The following GPC5 variants were observed in gnomAD, a reference collection of about 807,000 sequenced individuals.
GPC5 encodes the protein glypican 5.
Under a neutral mutation model 53.9 loss-of-function variants are expected in GPC5, and 47 were observed. The ratio of observed to expected loss-of-function variants is 0.87; its 90% confidence interval spans 0.69 to 1.11. GPC5 has a LOEUF of 1.11. Ranked by LOEUF, GPC5 falls within the 50% of genes most tolerant of loss-of-function variation. The probability of loss-of-function intolerance (pLI) is 0.00; values close to 1 mark genes in which losing one functional copy is unlikely to be tolerated. For synonymous variants in GPC5, 286 were observed against 263.3 expected, an observed-to-expected ratio of 1.09 and a Z score of -0.84; for missense variants, 748 against 713.1, an observed-to-expected ratio of 1.05 and a Z score of -0.56.
At chr13:91,891,851 G>A (rs767622381) in intron 5 of GPC5, among the ~76,000 whole-genome samples, 5 of 151,886 alleles carry the variant, frequency 3.3e-5, no homozygotes, top group East Asian at 1.9e-4. Context: ...AAAGTTATTC[G>A]AAACTTCCAT....
chr13:92,359,220 C>A (rs2043546581), intron 7 of GPC5, among the ~76,000 whole-genome samples: 1 of 151,654 alleles, frequency 6.6e-6, no homozygotes, highest in South Asian at 2.1e-4. Flanking sequence ...TTCCACAGAT[C>A]TCTAGAGCAG....
At chr13:92,820,846 T>C (rs758603846) in intron 7 of GPC5, among the ~76,000 whole-genome samples, 3 of 152,196 alleles carry the variant, frequency 2.0e-5, no homozygotes, top group Admixed American at 6.5e-5. Context: ...TATTAACTTG[T>C]TTGATTCTCA....
chr13:91,682,232 C>A (rs1271991412), intron 2 of GPC5, among the ~76,000 whole-genome samples: 4 of 152,208 alleles, frequency 2.6e-5, no homozygotes, highest in East Asian at 3.9e-4. Context: ...GGTGGTCGTG[C>A]TAGTAAGAGT....
chr13:91,767,730 G>A (rs1022957421), intron 5 of GPC5, among the ~76,000 whole-genome samples: 3 of 152,088 alleles, frequency 2.0e-5, no homozygotes, highest in South Asian at 2.1e-4. Context: ...CTTGTTACAC[G>A]CGTCCAGAGG....
chr13:92,316,541 A>T (rs533157437), intron 7 of GPC5, among the ~76,000 whole-genome samples: 2 of 152,254 alleles, frequency 1.3e-5, no homozygotes, highest in Admixed American at 6.5e-5. Context: ...CTTTCCATAA[A>T]GAAAAGTACA....
chr13:92,405,103 T>G (rs1875733877), intron 7 of GPC5, among the ~76,000 whole-genome samples: 1 of 131,670 alleles, frequency 7.6e-6, no homozygotes, highest in African/African-American at 2.9e-5. Context: ...TATACATGCA[T>G]TTAAGAAAGA....
chr13:92,372,786 T>C lies in GPC5; in HGVS notation c.1561+227797T>C, dbSNP rs77101184. 4.2e-3 allele frequency among the ~76,000 whole-genome samples: 638 copies of C among 152,300 alleles called. 8 individuals are homozygous for C. The highest frequency in any genetic ancestry group is 3.7e-3 in the Non-Finnish European group (253 of 68,022). ...TTTGAGTACTGTGGGCTCAAGTAAT[T>C]ACTCTCAGGCTGAAAGATCACTTCA... On this transcript the variant is annotated intron_variant, in intron 7 of 7. Coordinates refer to ENST00000377067, the MANE Select transcript of GPC5 (RefSeq NM_004466.6).
At chr13:92,652,943 C>T (rs1886004269) in intron 7 of GPC5, among the ~76,000 whole-genome samples, 1 of 152,110 alleles carries the variant, frequency 6.6e-6, no homozygotes, top group Non-Finnish European at 1.5e-5. Context: ...TCTCTCCTCT[C>T]CTCAGAACCT....
chr13:91,706,030 G>A (rs1594456420), intron 3 of GPC5, among the ~76,000 whole-genome samples: 3 of 151,602 alleles, frequency 2.0e-5, no homozygotes, highest in South Asian at 2.1e-4. Flanking sequence ...ATAGGTGTGC[G>A]CCACCATGCA....
intron 7 of GPC5, among the ~76,000 whole-genome samples, chr13:92,274,734 T>C (rs2042863529): frequency 6.6e-6 from 1 of 152,142 alleles, no homozygotes; most frequent in Non-Finnish European, 1.5e-5. Flanking sequence ...GCTTGCTTCA[T>C]CAAAGCGTAT....
At chr13:92,391,270 G>A (rs1291401260) in intron 7 of GPC5, among the ~76,000 whole-genome samples, 1 of 151,830 alleles carries the variant, frequency 6.6e-6, no homozygotes, top group Non-Finnish European at 1.5e-5. Flanking sequence ...TAATTTCTCA[G>A]GTACAAAGGA....
chr13:91,755,728 A>G (rs998670975), intron 4 of GPC5, among the ~76,000 whole-genome samples: 58 of 152,158 alleles, frequency 3.8e-4, no homozygotes, highest in African/African-American at 1.3e-3. Context: ...AATATCTTAC[A>G]TGTCTGGGTT....
At chr13:92,564,639 A>G (rs925332105) in intron 7 of GPC5, among the ~76,000 whole-genome samples, 17 of 152,008 alleles carry the variant, frequency 1.1e-4, no homozygotes, top group African/African-American at 3.9e-4. Context: ...TGAGCAGAGT[A>G]CCCAATGGGT....
At chr13:91,917,205 T>C (rs1206397902) in intron 6 of GPC5, among the ~76,000 whole-genome samples, 1 of 152,126 alleles carries the variant, frequency 6.6e-6, no homozygotes, top group Non-Finnish European at 1.5e-5. Flanking sequence ...TGGGATAAAT[T>C]GGCCAAAACT....
At chr13:91,417,577 G>T (rs979726474) in intron 1 of GPC5, among the ~76,000 whole-genome samples, 2 of 152,098 alleles carry the variant, frequency 1.3e-5, no homozygotes, top group Non-Finnish European at 2.9e-5. Flanking sequence ...AAGTTGTTTT[G>T]AAACAAAGAG....
At position 92,097,623 on chromosome 13, in the gene GPC5, C is replaced by A. The variant is rs539691097; in HGVS notation, c.1402-47207C>A. ...TATCTGTGGACAAGCCTTTGCTCTA[C>A]TGGAGAGAAGCGAGAAGCCCATGAT... On this transcript the variant is annotated intron_variant, in intron 6 of 7. Transcript: ENST00000377067. Among the ~76,000 whole-genome samples the A allele has an allele frequency of 4.4e-4, 67 of 152,250 alleles. 3 individuals carry two copies. In the South Asian group the frequency reaches 8.1e-3, roughly 18 times the overall value.
At chr13:92,287,773 G>T (rs909555403) in intron 7 of GPC5, among the ~76,000 whole-genome samples, 1 of 152,074 alleles carries the variant, frequency 6.6e-6, no homozygotes, top group Non-Finnish European at 1.5e-5. Flanking sequence ...GTAGCTTGTT[G>T]AGCTTCTTTG....
chr13:92,368,990 A>G (rs940093857), intron 7 of GPC5, among the ~76,000 whole-genome samples: 11 of 152,174 alleles, frequency 7.2e-5, no homozygotes, highest in Non-Finnish European at 1.5e-4. Flanking sequence ...CTCCAGCTGT[A>G]TACTGTCTTA....
chr13:91,920,291 A>G (rs892347947), intron 6 of GPC5, among the ~76,000 whole-genome samples: 8 of 152,156 alleles, frequency 5.3e-5, no homozygotes, highest in Admixed American at 3.9e-4. Context: ...AAATAAATAT[A>G]TTAAAAATTA....
Sources: allele counts gnomAD v4.1 joint callset (sites outside exome capture counted in the v4.1 genomes callset), GRCh38; gene constraint gnomAD v4.1.1; transcripts MANE v1.5; gene names NCBI Gene and HGNC (gene_info 2026-07-23, HGNC 2026-07-21).